Variants in RARB observed in about 807,000 individuals in gnomAD.
The protein encoded by RARB is retinoic acid receptor beta.
RARB carries 17 observed loss-of-function variants against 51.9 expected under a neutral mutation model. The observed-to-expected ratio is 0.33, with a 90% CI of 0.22 to 0.49. The LOEUF is 0.49. RARB is among the 20% of genes least tolerant of loss of function. RARB has a pLI of 0.99. For missense variants in RARB, 369 were observed against 550.8 expected (o/e 0.67, Z 3.30); for synonymous variants, 215 against 195.4 (o/e 1.10, Z -0.84).
chr3:25,504,862 A>C (rs1474010904), intron 3 of RARB, among the ~76,000 whole-genome samples: 1 of 148,196 alleles, frequency 6.7e-6, no homozygotes, highest in Non-Finnish European at 1.5e-5. Flanking sequence ...GGTTCAAGCG[A>C]TACTCCTGCC....
At chr3:25,184,060 C>G (rs1700920715) in intron 5 of RARB, among the ~76,000 whole-genome samples, 1 of 152,046 alleles carries the variant, frequency 6.6e-6, no homozygotes, top group Admixed American at 6.6e-5. Context: ...TTAACTTGGC[C>G]CCTACCATTG....
intron 5 of RARB, among the ~76,000 whole-genome samples, chr3:25,323,784 T>A (rs76243897): frequency 0.18 from 27,430 of 152,090 alleles, 2,575 homozygotes; most frequent in African/African-American, 0.22. Flanking sequence ...TGGATGAACA[T>A]AGGGATAAGA....
At chr3:25,265,477 G>A (rs1307480079) in intron 5 of RARB, among the ~76,000 whole-genome samples, 1 of 152,022 alleles carries the variant, frequency 6.6e-6, no homozygotes, top group East Asian at 1.9e-4. Flanking sequence ...ACATATTTTT[G>A]TTGTCATTGT....
intron 5 of RARB, among the ~76,000 whole-genome samples, chr3:25,414,956 C>A (rs1194751113): frequency 6.6e-6 from 1 of 152,178 alleles, no homozygotes; most frequent in African/African-American, 2.4e-5. Flanking sequence ...ATTCTCCTGA[C>A]TCAGCCTCCC....
At chr3:24,975,463 G>C (rs951731930) in intron 2 of RARB, among the ~76,000 whole-genome samples, 5 of 152,078 alleles carry the variant, frequency 3.3e-5, no homozygotes, top group African/African-American at 1.2e-4. Flanking sequence ...TATCATTGTT[G>C]TTTTAATTCA....
chr3:24,899,714 C>G (rs1281746398), intron 2 of RARB, among the ~76,000 whole-genome samples: 1 of 152,046 alleles, frequency 6.6e-6, no homozygotes, highest in Non-Finnish European at 1.5e-5. Flanking sequence ...AAATTAAAGT[C>G]ATTTATCCCA....
chr3:25,393,701 A>T (rs1707037020), intron 5 of RARB, among the ~76,000 whole-genome samples: 1 of 152,062 alleles, frequency 6.6e-6, no homozygotes, highest in Non-Finnish European at 1.5e-5. Context: ...GTGCACGTGA[A>T]GGTGTTCATA....
intron 5 of RARB, among the ~76,000 whole-genome samples, chr3:25,588,434 T>C (rs1020232577): frequency 6.6e-6 from 1 of 152,246 alleles, no homozygotes; most frequent in African/African-American, 2.4e-5. Flanking sequence ...GTTGCACAGA[T>C]ACATGGTTAG....
At chr3:25,086,399 A>T (rs1231562111) in intron 3 of RARB, among the ~76,000 whole-genome samples, 1 of 152,204 alleles carries the variant, frequency 6.6e-6, no homozygotes, top group African/African-American at 2.4e-5. Context: ...TGCTAACGTA[A>T]GAAGGTGATT....
intron 5 of RARB, among the ~76,000 whole-genome samples, chr3:25,292,166 G>C (rs1703803351): frequency 6.6e-6 from 1 of 152,058 alleles, no homozygotes; most frequent in African/African-American, 2.4e-5. Context: ...CTTGTCCCCA[G>C]TAGGAGAATT....
At chr3:25,557,554 T>C (rs1052480954) in intron 3 of RARB, among the ~76,000 whole-genome samples, 1 of 152,214 alleles carries the variant, frequency 6.6e-6, no homozygotes, top group Middle Eastern at 3.4e-3. Context: ...TCCTCCTCCT[T>C]TGTTCCCTCA....
intron 3 of RARB, among the ~76,000 whole-genome samples, chr3:25,111,608 G>T (rs1384295660): frequency 8.9e-6 from 1 of 111,836 alleles, no homozygotes; most frequent in Non-Finnish European, 1.7e-5. Context: ...TTTTTGAGAC[G>T]GAGTCTGTCA....
At chr3:25,085,138 A>G (rs1036256131) in intron 3 of RARB, among the ~76,000 whole-genome samples, 1 of 152,186 alleles carries the variant, frequency 6.6e-6, no homozygotes, top group Non-Finnish European at 1.5e-5. Flanking sequence ...TAGATGTGCC[A>G]CCTGAAGTTC....
intron 5 of RARB, among the ~76,000 whole-genome samples, chr3:25,230,827 G>A (rs1311652798): frequency 6.6e-6 from 1 of 152,042 alleles, no homozygotes; most frequent in Non-Finnish European, 1.5e-5. Flanking sequence ...TTGAGCACGT[G>A]CTCAATAATA....
chr3:25,354,545 T>C (rs1705672697), intron 5 of RARB, among the ~76,000 whole-genome samples: 1 of 152,150 alleles, frequency 6.6e-6, no homozygotes, highest in Admixed American at 6.6e-5. Context: ...TACCTTCCCA[T>C]GGTACAAGCA....
At chr3:25,119,355 T>C (rs924145559) in intron 3 of RARB, among the ~76,000 whole-genome samples, 1 of 152,126 alleles carries the variant, frequency 6.6e-6, no homozygotes, top group Non-Finnish European at 1.5e-5. Flanking sequence ...CATTTGACCT[T>C]GGCAAATTGT....
intron 3 of RARB, among the ~76,000 whole-genome samples, chr3:25,068,133 C>T (rs1575144765): frequency 6.0e-5 from 2 of 33,250 alleles, no homozygotes; most frequent in Non-Finnish European, 1.1e-4. Flanking sequence ...GACTCCATCT[C>T]AAAAAAAAAA....
rs561965930 is a variant in RARB at position 25,350,008 on chromosome 3, G to T, written c.179-111185G>T. ...TCTCTGTGGTCTCACCACATGACTGGATTGGGCTTCTCACAGCAGGTTGGT... is the reference window on the plus strand; with the variant it reads ...TCTCTGTGGTCTCACCACATGACTGTATTGGGCTTCTCACAGCAGGTTGGT... On this transcript the variant is annotated intron_variant, in intron 5 of 11. Transcript: ENST00000383772. Among the ~76,000 whole-genome samples the T allele has an allele frequency of 2.0e-5, 3 of 152,196 alleles. No individual in the cohort carries two copies. In the South Asian group the frequency reaches 6.2e-4, roughly 32 times the overall value.
At chr3:24,946,975 A>G (rs1695788884) in intron 2 of RARB, among the ~76,000 whole-genome samples, 1 of 152,228 alleles carries the variant, frequency 6.6e-6, no homozygotes, top group African/African-American at 2.4e-5. Flanking sequence ...GCCATTGAAA[A>G]GACATGCTGA....
Sources: allele counts gnomAD v4.1 joint callset (sites outside exome capture counted in the v4.1 genomes callset), GRCh38; gene constraint gnomAD v4.1.1; transcripts MANE v1.5; gene names NCBI Gene and HGNC (gene_info 2026-07-23, HGNC 2026-07-21).